Variants in CSMD3 observed in about 807,000 individuals in gnomAD.
The protein encoded by CSMD3 is CUB and Sushi multiple domains 3.
A neutral mutation model predicts 435.2 loss-of-function variants in CSMD3; 177 were observed. The observed-to-expected ratio is 0.41, with a 90% CI of 0.36 to 0.46. The LOEUF (loss-of-function observed/expected upper bound fraction) is 0.46. Ranked by LOEUF, CSMD3 falls within the 20% of genes least tolerant of loss-of-function variation. The pLI, the probability that CSMD3 is intolerant of heterozygous loss-of-function variation, is 0.34. For missense variants in CSMD3, 4,265 were observed against 4,504.6 expected (o/e 0.95, Z 1.52); for synonymous variants, 1,656 against 1,520.5 (o/e 1.09, Z -2.07).
intron 13 of CSMD3, among the ~76,000 whole-genome samples, chr8:112,733,814 C>A (rs920960890): frequency 6.6e-6 from 1 of 151,944 alleles, no homozygotes; most frequent in African/African-American, 2.4e-5. Flanking sequence ...TAACACTTTT[C>A]TTTGACTTTG....
chr8:112,772,394 T>C (rs1210336162), intron 13 of CSMD3, among the ~76,000 whole-genome samples: 1 of 152,104 alleles, frequency 6.6e-6, no homozygotes. Context: ...GTTAAACAAA[T>C]GCTTGAAGGC....
intron 22 of CSMD3, among the ~76,000 whole-genome samples, chr8:112,626,547 T>TA (rs370142880): frequency 1.4e-4 from 22 of 151,800 alleles, no homozygotes; most frequent in East Asian, 3.9e-4. Context: ...ATTTTATTTT[T>TA]AAAAAATGGA....
At chr8:112,436,647 C>T (rs980497284) in intron 32 of CSMD3, among the ~76,000 whole-genome samples, 2 of 151,676 alleles carry the variant, frequency 1.3e-5, no homozygotes, top group Admixed American at 1.3e-4. Context: ...AAAAAATATA[C>T]ACAAATACAT....
chr8:112,375,806 A>G (rs1267187677), intron 38 of CSMD3, among the ~76,000 whole-genome samples: 1 of 152,164 alleles, frequency 6.6e-6, no homozygotes, highest in Non-Finnish European at 1.5e-5. Context: ...ATGAATGACT[A>G]TCAAAACATA....
At chr8:112,288,164 T>G (rs2130645186) in intron 57 of CSMD3, among the ~76,000 whole-genome samples, 1 of 149,394 alleles carries the variant, frequency 6.7e-6, no homozygotes, top group African/African-American at 2.5e-5. Flanking sequence ...GTAAAATTAA[T>G]AACCACACAA....
chr8:113,244,779 TGAGTGGA>T, intron 3 of CSMD3, among the ~76,000 whole-genome samples: 1 of 152,172 alleles, frequency 6.6e-6, no homozygotes, highest in East Asian at 1.9e-4. Context: ...CTTGTGTTTT[TGAGTGGA>T]GTGTTCTGTG....
At chr8:112,625,477 G>T (rs181530018) in intron 22 of CSMD3, among the ~76,000 whole-genome samples, 2 of 152,048 alleles carry the variant, frequency 1.3e-5, no homozygotes, top group Admixed American at 1.3e-4. Context: ...GATATGAAAA[G>T]GTTAATATTT....
chr8:113,020,006 A>G (rs1306222897), intron 5 of CSMD3, among the ~76,000 whole-genome samples: 2 of 150,856 alleles, frequency 1.3e-5, no homozygotes, highest in Admixed American at 6.6e-5. Context: ...TACTAAAAAT[A>G]CAAAAAATTA....
rs2131803360 is a variant in CSMD3 at position 112,685,508 on chromosome 8, C to T, written c.2380G>A (p.Ala794Thr). The part of the protein sequence containing the change: ...ESPILGTFTG[A>T]EVPSHLTSNS... ...CTAGTAAGATGGGAAGGCACCTCAG[C>T]CCCAGTAAAGGTTCCAAGAATTGGG... The change falls in exon 15 of 71, where the codon GCT becomes ACT. Residue 794 changes from alanine (A) to threonine (T), a missense_variant. Ala to Thr is a moderately conservative substitution (Grantham distance 58). Around this residue, in one of 3 missense-constraint regions of CSMD3, gnomAD observed 279 missense variants for 369.0 expected, o/e 0.76. Coordinates refer to ENST00000297405, the MANE Select transcript of CSMD3 (RefSeq NM_198123.2). 6.2e-7 allele frequency: 1 copy of T among 1,613,974 alleles called. No homozygotes were observed. The highest frequency in any genetic ancestry group is 1.1e-5 in the South Asian group (1 of 91,074).
At chr8:112,585,744 T>C (rs1028987923) in intron 23 of CSMD3, among the ~76,000 whole-genome samples, 2 of 151,650 alleles carry the variant, frequency 1.3e-5, no homozygotes, top group Non-Finnish European at 1.5e-5. Context: ...TTATTATTGT[T>C]GCTTCTGCAT....
chr8:112,635,043 A>G (rs1342984250), intron 22 of CSMD3, among the ~76,000 whole-genome samples: 1 of 151,988 alleles, frequency 6.6e-6, no homozygotes, highest in East Asian at 1.9e-4. Flanking sequence ...ATGACTTTAC[A>G]TAAAAGAACC....
At chr8:113,146,002 C>T (rs920885657) in intron 4 of CSMD3, among the ~76,000 whole-genome samples, 1 of 151,466 alleles carries the variant, frequency 6.6e-6, no homozygotes, top group Non-Finnish European at 1.5e-5. Flanking sequence ...ACCATAACAC[C>T]ATGACCAAAT....
chr8:112,768,948 A>G (rs2078046270), intron 13 of CSMD3, among the ~76,000 whole-genome samples: 1 of 151,868 alleles, frequency 6.6e-6, no homozygotes, highest in South Asian at 2.1e-4. Context: ...TGGCAACCTC[A>G]ATGTTCAGCT....
chr8:112,365,444 GA>G (rs1320483296), intron 38 of CSMD3, among the ~76,000 whole-genome samples: 19 of 131,114 alleles, frequency 1.4e-4, no homozygotes, highest in South Asian at 2.5e-4. Context: ...TGTATATTAT[GA>G]AAAAAAATTA....
intron 3 of CSMD3, among the ~76,000 whole-genome samples, chr8:113,183,197 G>T (rs2092448967): frequency 6.6e-6 from 1 of 152,000 alleles, no homozygotes; most frequent in African/African-American, 2.4e-5. Flanking sequence ...AAAATTTGAA[G>T]TGGGTGTTGA....
chr8:112,939,764 G>A (rs2083393178), intron 9 of CSMD3, among the ~76,000 whole-genome samples: 1 of 151,978 alleles, frequency 6.6e-6, no homozygotes, highest in South Asian at 2.1e-4. Flanking sequence ...GAGTTTTGAA[G>A]TGTAACTGTG....
intron 1 of CSMD3, among the ~76,000 whole-genome samples, chr8:113,406,132 A>G (rs1195898303): frequency 1.3e-5 from 2 of 151,944 alleles, no homozygotes; most frequent in East Asian, 1.9e-4. Context: ...AGTGTTTTAC[A>G]TATAACAGCG....
intron 13 of CSMD3, among the ~76,000 whole-genome samples, chr8:112,719,628 C>G (rs192920317): frequency 1.3e-5 from 2 of 152,134 alleles, no homozygotes; most frequent in East Asian, 3.9e-4. Flanking sequence ...TCAAAGGCCC[C>G]GTCTCCAAAT....
At chr8:112,412,111 A>G (rs1341329626) in intron 32 of CSMD3, among the ~76,000 whole-genome samples, 1 of 152,032 alleles carries the variant, frequency 6.6e-6, no homozygotes, top group African/African-American at 2.4e-5. Context: ...GGTTATTTGA[A>G]TTCTCCTTTG....
Sources: allele counts gnomAD v4.1 joint callset (sites outside exome capture counted in the v4.1 genomes callset), GRCh38; gene constraint gnomAD v4.1.1; regional missense constraint gnomAD v4.1.1; transcripts MANE v1.5; gene names NCBI Gene and HGNC (gene_info 2026-07-23, HGNC 2026-07-21).